MDGA2: variants seen among roughly 807,000 people sequenced by gnomAD.
MDGA2 encodes the protein MAM domain containing glycosylphosphatidylinositol anchor 2.
A neutral mutation model predicts 117.8 loss-of-function variants in MDGA2; 40 were observed. The ratio of observed to expected loss-of-function variants is 0.34; its 90% CI spans 0.26 to 0.44. MDGA2 has a LOEUF of 0.44. Among genes scored for constraint, MDGA2 ranks in the 20% least tolerant of loss-of-function variants. MDGA2 has a pLI of 1.00. For missense variants in MDGA2, 1,123 were observed against 1,250.6 expected, an observed-to-expected ratio of 0.90 and a Z score of 1.54; for synonymous variants, 452 against 439.0, an observed-to-expected ratio of 1.03 and a Z score of -0.37.
At chr14:47,150,279 A>C (rs1883110485) in intron 3 of MDGA2, among the ~76,000 whole-genome samples, 3 of 152,206 alleles carry the variant, frequency 2.0e-5, no homozygotes, top group Non-Finnish European at 4.4e-5. Context: ...ATAGCTGAGG[A>C]TGCAGGCCTC....
chr14:47,333,441 T>C (rs1050823113), intron 1 of MDGA2, among the ~76,000 whole-genome samples: 1 of 152,040 alleles, frequency 6.6e-6, no homozygotes, highest in South Asian at 2.1e-4. Flanking sequence ...TCACAGTAGA[T>C]GAACAGTGTG....
intron 5 of MDGA2, among the ~76,000 whole-genome samples, chr14:47,098,506 A>T (rs1037144415): frequency 6.6e-6 from 1 of 151,812 alleles, no homozygotes; most frequent in Non-Finnish European, 1.5e-5. Context: ...TCATGAAAAA[A>T]GTATGCAAAA....
intron 1 of MDGA2, among the ~76,000 whole-genome samples, chr14:47,506,775 G>A (rs563087713): frequency 6.6e-6 from 1 of 152,170 alleles, no homozygotes; most frequent in Non-Finnish European, 1.5e-5. Flanking sequence ...AGCACTTTGG[G>A]AAGCTGAGGC....
At position 46,906,208 on chromosome 14, in the gene MDGA2, A is replaced by G. The variant is rs569062246; in HGVS notation, c.2238+13804T>C. The stretch of plus-strand genomic sequence containing the variant: ...TTTTTCTTGCTTTTGAAATGATTTC[A>G]TAAATTTATCTGTACAATGTATACC... On this transcript the variant is annotated intron_variant, in intron 10 of 16. Transcript: ENST00000399232. Among the ~76,000 whole-genome samples the G allele has an allele frequency of 9.9e-5, 15 of 151,974 alleles. No individual in the cohort carries two copies. The East Asian group carries it at 2.9e-3, about 29-fold the overall frequency.
intron 2 of MDGA2, among the ~76,000 whole-genome samples, chr14:47,280,350 A>T (rs1888445736): frequency 7.0e-6 from 1 of 142,846 alleles, no homozygotes; most frequent in East Asian, 2.3e-4. Context: ...AAAAAGAGAG[A>T]TTGTCAGACA....
chr14:47,089,623 T>G (rs1395996672), intron 6 of MDGA2, among the ~76,000 whole-genome samples: 1 of 152,084 alleles, frequency 6.6e-6, no homozygotes, highest in Non-Finnish European at 1.5e-5. Context: ...TTTATTATAC[T>G]TTAAGTTCTA....
chr14:47,288,025 C>T lies in MDGA2; in HGVS notation c.420+13386G>A, dbSNP rs552009599. Among the ~76,000 whole-genome samples the T allele has an allele frequency of 2.9e-3, 436 of 152,182 alleles. 1 individual carries two copies. The highest frequency in any genetic ancestry group is 4.0e-3 in the Non-Finnish European group (273 of 68,008). ...AGAGGGATGATGGCCCTCCTGACAC[C>T]GTAATTTCAGAATTCTAGCCTCCAA... On this transcript the variant is annotated intron_variant, in intron 2 of 16. Transcript: ENST00000399232.
At chr14:47,128,081 T>C (rs1881993942) in intron 5 of MDGA2, among the ~76,000 whole-genome samples, 1 of 152,104 alleles carries the variant, frequency 6.6e-6, no homozygotes, top group Non-Finnish European at 1.5e-5. Flanking sequence ...ATGATAAAAA[T>C]CACATCTACA....
intron 7 of MDGA2, chr14:47,059,027 T>C: frequency 1.0e-6 from 1 of 1,004,904 alleles, no homozygotes. Flanking sequence ...TAAGTCACTA[T>C]AAATTTGTCT....
intron 9 of MDGA2, among the ~76,000 whole-genome samples, chr14:46,943,067 C>G (rs1038676916): frequency 6.6e-6 from 1 of 152,018 alleles, no homozygotes; most frequent in Non-Finnish European, 1.5e-5. Flanking sequence ...TTTTAAGGCT[C>G]TATTAATAGA....
chr14:47,199,375 T>G (rs532650914), intron 3 of MDGA2, among the ~76,000 whole-genome samples: 5 of 152,322 alleles, frequency 3.3e-5, no homozygotes, highest in African/African-American at 1.2e-4. Flanking sequence ...CAAATCATTA[T>G]GACAAAGTAA....
At chr14:47,602,666 G>A (rs563693530) in intron 1 of MDGA2, among the ~76,000 whole-genome samples, 4 of 152,162 alleles carry the variant, frequency 2.6e-5, no homozygotes, top group African/African-American at 9.6e-5. Context: ...AAAATTGTTA[G>A]ACTTTTTCCT....
intron 2 of MDGA2, among the ~76,000 whole-genome samples, chr14:47,244,985 G>A (rs186702966): frequency 1.3e-5 from 2 of 151,204 alleles, no homozygotes; most frequent in Admixed American, 1.3e-4. Flanking sequence ...AAATAGTAAG[G>A]ATATTTTCTC....
chr14:47,122,550 CA>C (rs1384662859), intron 5 of MDGA2, among the ~76,000 whole-genome samples: 2 of 151,938 alleles, frequency 1.3e-5, no homozygotes, highest in Non-Finnish European at 2.9e-5. Flanking sequence ...TATGACTGGC[CA>C]CATGAACTTA....
chr14:46,955,733 G>A (rs937871346), intron 9 of MDGA2, among the ~76,000 whole-genome samples: 3 of 151,940 alleles, frequency 2.0e-5, no homozygotes, highest in African/African-American at 4.8e-5. Flanking sequence ...CGTACATTTC[G>A]GTGTATAGGT....
At chr14:47,446,331 A>G (rs1893121477) in intron 1 of MDGA2, among the ~76,000 whole-genome samples, 1 of 152,174 alleles carries the variant, frequency 6.6e-6, no homozygotes, top group Admixed American at 6.6e-5. Context: ...ATCTGAGTGG[A>G]AGATTACAGA....
intron 8 of MDGA2, among the ~76,000 whole-genome samples, chr14:46,972,557 G>C (rs909171720): frequency 2.0e-5 from 3 of 151,882 alleles, no homozygotes; most frequent in Non-Finnish European, 4.4e-5. Flanking sequence ...CCTTTTTATA[G>C]ATAAGGAAAT....
intron 3 of MDGA2, among the ~76,000 whole-genome samples, chr14:47,207,274 T>A (rs1246713873): frequency 6.6e-6 from 1 of 151,916 alleles, no homozygotes; most frequent in East Asian, 1.9e-4. Flanking sequence ...GGATGAGGAA[T>A]TTAATTTCAA....
At chr14:47,390,899 C>A (rs897851589) in intron 1 of MDGA2, among the ~76,000 whole-genome samples, 3 of 152,082 alleles carry the variant, frequency 2.0e-5, no homozygotes, top group African/African-American at 7.2e-5. Flanking sequence ...TCTTTTCCTA[C>A]CATAGAATGG....
Sources: allele counts gnomAD v4.1 joint callset (sites outside exome capture counted in the v4.1 genomes callset), GRCh38; gene constraint gnomAD v4.1.1; transcripts MANE v1.5; gene names NCBI Gene and HGNC (gene_info 2026-07-23, HGNC 2026-07-21).